The following LEPR variants were observed in gnomAD, a reference collection of about 807,000 sequenced individuals.
The protein encoded by LEPR is OB receptor.
A neutral mutation model predicts 114.7 loss-of-function variants in LEPR; 56 were observed. That is an observed-to-expected ratio of 0.49 (90% CI 0.39 to 0.61). The LOEUF (loss-of-function observed/expected upper bound fraction) is 0.61. Among genes scored for constraint, LEPR ranks in the 20% least tolerant of loss-of-function variants. The probability of loss-of-function intolerance (pLI) is 0.00; values close to 1 mark genes in which losing one functional copy is unlikely to be tolerated. For synonymous variants in LEPR, 443 were observed against 461.4 expected, an observed-to-expected ratio of 0.96 and a Z score of 0.51; for missense variants, 1,202 against 1,352.9, an observed-to-expected ratio of 0.89 and a Z score of 1.75.
intron 2 of LEPR, chr1:65,526,075 C>G: frequency 7.2e-6 from 7 of 975,136 alleles, no homozygotes; most frequent in Non-Finnish European, 8.5e-6. Context: ...CTGACAGCAG[C>G]CGGCAGCGCC....
chr1:65,458,828 T>C (rs1159432392), intron 2 of LEPR, among the ~76,000 whole-genome samples: 4 of 152,236 alleles, frequency 2.6e-5, no homozygotes, highest in Admixed American at 6.5e-5. Flanking sequence ...ACCTTTATTA[T>C]CCTTCTGTAA....
intron 2 of LEPR, among the ~76,000 whole-genome samples, chr1:65,478,746 G>C (rs1013462625): frequency 1.2e-4 from 19 of 152,276 alleles, no homozygotes; most frequent in African/African-American, 4.6e-4. Context: ...GGTGGGTTTT[G>C]GAATGAGATC....
intron 7 of LEPR, 134 bp from the exon 8 acceptor site, chr1:65,598,526 A>T: frequency 7.6e-7 from 1 of 1,314,036 alleles, no homozygotes; most frequent in Non-Finnish European, 1.0e-6. Flanking sequence ...TGTTTGTTTT[A>T]ATTCCGCTGT....
At chr1:65,602,301 A>AGAT (rs1243692950) in intron 10 of LEPR, among the ~76,000 whole-genome samples, 2 of 152,022 alleles carry the variant, frequency 1.3e-5, no homozygotes, top group Non-Finnish European at 2.9e-5. Context: ...AGAATGTGAA[A>AGAT]GATTATAAAA....
At chr1:65,484,747 C>T (rs766344702) in intron 2 of LEPR, among the ~76,000 whole-genome samples, 2 of 152,126 alleles carry the variant, frequency 1.3e-5, no homozygotes, top group African/African-American at 2.4e-5. Flanking sequence ...TATTTTGTAA[C>T]AAGCCAATGA....
At chr1:65,517,027 A>C (rs188723385) in intron 2 of LEPR, among the ~76,000 whole-genome samples, 1 of 152,324 alleles carries the variant, frequency 6.6e-6, no homozygotes, top group Non-Finnish European at 1.5e-5. Flanking sequence ...TCTCTCATTA[A>C]ATTTTAGTGT....
At chr1:65,570,034 A>G (rs1448935331) in intron 3 of LEPR, among the ~76,000 whole-genome samples, 1 of 152,202 alleles carries the variant, frequency 6.6e-6, no homozygotes, top group Non-Finnish European at 1.5e-5. Flanking sequence ...TTAAATACAT[A>G]TTAAAATAGC....
At chr1:65,495,309 C>G (rs766868810) in intron 2 of LEPR, among the ~76,000 whole-genome samples, 11 of 152,174 alleles carry the variant, frequency 7.2e-5, no homozygotes, top group Non-Finnish European at 1.3e-4. Context: ...GCTAATATCT[C>G]TAATCATCAG....
chr1:65,433,273 T>C, intron 2 of LEPR: 1 of 985,378 alleles, frequency 1.0e-6, no homozygotes, highest in East Asian at 1.1e-4. Context: ...GTGGGTGAAC[T>C]GCTTAATTTC....
At position 65,633,500 on chromosome 1, in the gene LEPR, A is replaced by T. The variant is rs898092830; in HGVS notation, c.2674-2691A>T. On this transcript the variant is annotated intron_variant, in intron 19 of 19. Coordinates refer to ENST00000349533, the MANE Select transcript of LEPR (RefSeq NM_002303.6). The surrounding 1 kb of genome is among the most constrained non-coding windows in gnomAD (Gnocchi z 4.1). ...TAAGAAAATTATGGCTGTTGCTGTC[A>T]TTACATATCTATTAAATGTCATCAA... 2.0e-5 allele frequency: 23 copies of T among 1,134,934 alleles called. No homozygotes were observed. The highest frequency in any genetic ancestry group is 2.3e-5 in the Non-Finnish European group (21 of 924,188). The allele number at this position is 1,134,934 out of a possible 1,614,324, so 70.3% of individuals were successfully genotyped here. A position where few individuals can be genotyped will look rare whatever the true frequency, so the allele number is the denominator to read the frequency against.
At position 65,633,326 on chromosome 1, in the gene LEPR, A is replaced by G; in HGVS notation, c.2674-2865A>G. The G allele has an allele frequency of 2.1e-6, 3 of 1,409,428 alleles. No homozygotes were observed. Among genetic ancestry groups the G allele is most frequent in the Non-Finnish European group, 2.8e-6 (3 of 1,082,970 alleles). 87.3% of individuals were successfully genotyped at this position (1,409,428 alleles called of 1,614,324 possible). ...AACATATGGTGGATTATGTTGATTT[A>G]GAACTTAAAATAGATGTGTAAATTT... On this transcript the variant is annotated intron_variant, in intron 19 of 19. Transcript: ENST00000349533. The surrounding 1 kb of genome is among the most constrained non-coding windows in gnomAD (Gnocchi z 4.1).
intron 7 of LEPR, 48 bp downstream of exon 7, chr1:65,596,641 G>A (rs2100914188): frequency 6.4e-7 from 1 of 1,564,514 alleles, no homozygotes; most frequent in Non-Finnish European, 8.8e-7. Context: ...AGTAAATAAA[G>A]ACCCTCTTAA....
chr1:65,592,088 C>A (rs1160121454), intron 5 of LEPR, among the ~76,000 whole-genome samples: 1 of 151,962 alleles, frequency 6.6e-6, no homozygotes. Flanking sequence ...ACAAATTTCT[C>A]CCCTCCCAAG....
At chr1:65,483,564 G>A (rs1333737826) in intron 2 of LEPR, among the ~76,000 whole-genome samples, 1 of 152,078 alleles carries the variant, frequency 6.6e-6, no homozygotes, top group Non-Finnish European at 1.5e-5. Flanking sequence ...CAAGGCCACC[G>A]CTATAAAATC....
intron 12 of LEPR, among the ~76,000 whole-genome samples, 192 bp downstream of exon 12, chr1:65,609,093 C>T (rs997036169): frequency 3.3e-5 from 5 of 152,174 alleles, no homozygotes; most frequent in Admixed American, 3.3e-4. Flanking sequence ...CCATCATTCC[C>T]TGAAGTGTGT....
At chr1:65,544,198 T>A (rs779804516) in intron 2 of LEPR, among the ~76,000 whole-genome samples, 3 of 151,786 alleles carry the variant, frequency 2.0e-5, no homozygotes, top group Non-Finnish European at 4.4e-5. Flanking sequence ...ATTCTCTTTG[T>A]AGCAATTGTG....
intron 2 of LEPR, among the ~76,000 whole-genome samples, chr1:65,509,199 G>T (rs1648905845): frequency 6.6e-6 from 1 of 151,918 alleles, no homozygotes; most frequent in Admixed American, 6.6e-5. Context: ...TTGCCTAATT[G>T]CTCTGGCTAG....
chr1:65,422,944 A>C (rs1398262493), intron 1 of LEPR, among the ~76,000 whole-genome samples: 1 of 152,216 alleles, frequency 6.6e-6, no homozygotes, highest in Non-Finnish European at 1.5e-5. Context: ...TCACAGAGGC[A>C]GGAATAAGAG....
intron 6 of LEPR, among the ~76,000 whole-genome samples, chr1:65,593,853 A>G (rs541508185): frequency 1.4e-5 from 2 of 138,384 alleles, no homozygotes; most frequent in African/African-American, 2.7e-5. Flanking sequence ...CAAAATCTTT[A>G]TTCAATATCA....
Sources: gnomAD v4.1 joint callset for allele counts (sites outside exome capture counted in the v4.1 genomes callset) on GRCh38, gnomAD v4.1.1 for gene constraint, Gnocchi (gnomAD v3.1) non-coding constraint, MANE v1.5 for transcripts, NCBI Gene and HGNC (gene_info 2026-07-23, HGNC 2026-07-21) for gene names.